The following CTNNA3 variants were observed in gnomAD, a reference collection of about 807,000 sequenced individuals.
The protein encoded by CTNNA3 is catenin alpha 3.
A neutral mutation model predicts 95.7 loss-of-function variants in CTNNA3; 76 were observed. That is an observed-to-expected ratio of 0.79 (90% confidence interval 0.66 to 0.96). The LOEUF is 0.96. Among genes scored for constraint, CTNNA3 ranks in the 40% least tolerant of loss-of-function variants. The pLI, the probability that CTNNA3 is intolerant of heterozygous loss-of-function variation, is 0.00. For missense variants in CTNNA3, 1,191 were observed against 1,089.8 expected (o/e 1.09, Z -1.31); for synonymous variants, 431 against 374.4 (o/e 1.15, Z -1.74).
chr10:67,055,150 C>G (rs567094335), intron 7 of CTNNA3: 3 of 152,150 alleles, frequency 2.0e-5, no homozygotes, highest in Non-Finnish European at 4.4e-5. Context: ...TTCCTACCTA[C>G]GCATCTTTGA....
At chr10:67,388,882 G>A (rs1844319639) in intron 5 of CTNNA3, among the ~76,000 whole-genome samples, 2 of 152,194 alleles carry the variant, frequency 1.3e-5, no homozygotes, top group South Asian at 4.2e-4. Context: ...TCACCACCAG[G>A]CCGGCCTTAC....
rs144340812 is a variant in CTNNA3 at position 67,220,490 on chromosome 10, G to T, written c.580-620C>A. Among the ~76,000 whole-genome samples, 482 of 152,108 alleles carry T rather than the reference G, an allele frequency of 3.2e-3. 3 individuals are homozygous for T. The highest frequency in any genetic ancestry group is 0.01 in the African/African-American group (424 of 41,478). On this transcript the variant is annotated intron_variant, in intron 5 of 17. Coordinates refer to ENST00000433211, the MANE Select transcript of CTNNA3 (RefSeq NM_013266.4). The stretch of plus-strand genomic sequence containing the variant: ...AAGGACCTTGTTCTTCTTTCTTTTG[G>T]GGGGAAAGGGCCTACAGACAAACAA...
rs2078479556 is a variant in CTNNA3 at position 65,988,783 on chromosome 10, A to T, written c.2174T>A (p.Leu725Gln). 1.2e-6 allele frequency: 2 copies of T among 1,613,154 alleles called. No homozygotes were observed. Among genetic ancestry groups the T allele is most frequent in the Non-Finnish European group, 1.7e-6 (2 of 1,179,478 alleles). The change falls in exon 16 of 18, where the codon CTA (leucine) becomes CAA (glutamine). Residue 725 changes from leucine to glutamine, a missense_variant. Transcript: ENST00000433211. ...ATAGATCACATCAGTTGTATGCTTT[A>T]GTGGTCCTTTGCCCCTGGAAAAAAA... ...MTDFTRGKGPLKHTTDVIYAA... is the reference protein window; with the variant it reads ...MTDFTRGKGPQKHTTDVIYAA...
chr10:66,509,357 TC>T (rs1840575683), intron 11 of CTNNA3, among the ~76,000 whole-genome samples: 1 of 152,116 alleles, frequency 6.6e-6, no homozygotes, highest in Non-Finnish European at 1.5e-5. Context: ...GTTGACTGTT[TC>T]ATTTGCTGTG....
intron 14 of CTNNA3, among the ~76,000 whole-genome samples, chr10:66,097,408 G>A (rs2081440421): frequency 6.6e-6 from 1 of 151,976 alleles, no homozygotes; most frequent in Admixed American, 6.6e-5. Context: ...CTATGTGCCA[G>A]AAACCAAACA....
chr10:65,974,293 T>G (rs1159596768), intron 16 of CTNNA3, among the ~76,000 whole-genome samples: 2 of 152,212 alleles, frequency 1.3e-5, no homozygotes, highest in African/African-American at 2.4e-5. Context: ...CTTGCATTCA[T>G]ATGTTCATTG....
intron 12 of CTNNA3, among the ~76,000 whole-genome samples, chr10:66,324,291 T>C (rs1490374676): frequency 6.6e-6 from 1 of 151,958 alleles, no homozygotes; most frequent in Non-Finnish European, 1.5e-5. Flanking sequence ...CTGTACTCCA[T>C]CCTGAGCAAC....
chr10:66,265,906 C>T (rs1308619378), intron 13 of CTNNA3, among the ~76,000 whole-genome samples: 3 of 152,002 alleles, frequency 2.0e-5, no homozygotes, highest in Non-Finnish European at 4.4e-5. Context: ...GAAATCTTAT[C>T]TGTCTTATCT....
At chr10:67,602,975 G>T (rs1010123544) in intron 3 of CTNNA3, among the ~76,000 whole-genome samples, 21 of 152,184 alleles carry the variant, frequency 1.4e-4, no homozygotes, top group Admixed American at 2.0e-4. Context: ...ACGTTTAACA[G>T]GTGTCTGTGA....
chr10:66,058,890 G>C (rs1156284577), intron 15 of CTNNA3, among the ~76,000 whole-genome samples: 1 of 152,070 alleles, frequency 6.6e-6, no homozygotes, highest in Non-Finnish European at 1.5e-5. Flanking sequence ...GCTTTCTCTT[G>C]GGTAACTAAT....
At chr10:66,163,821 A>G (rs2084978703) in intron 13 of CTNNA3, among the ~76,000 whole-genome samples, 1 of 152,148 alleles carries the variant, frequency 6.6e-6, no homozygotes, top group African/African-American at 2.4e-5. Flanking sequence ...CAATGTTTTC[A>G]TATGATCTAT....
intron 1 of CTNNA3, among the ~76,000 whole-genome samples, chr10:67,674,695 A>G (rs1470386131): frequency 6.6e-6 from 1 of 152,150 alleles, no homozygotes; most frequent in Admixed American, 6.6e-5. Context: ...TTACCAGTGT[A>G]AATGCTAATC....
chr10:67,359,401 A>G (rs1252353947), intron 5 of CTNNA3, among the ~76,000 whole-genome samples: 1 of 152,114 alleles, frequency 6.6e-6, no homozygotes, highest in Non-Finnish European at 1.5e-5. Flanking sequence ...AAAATGTGGA[A>G]ATGACAGACA....
chr10:67,230,320 C>A (rs1004905301), intron 5 of CTNNA3, among the ~76,000 whole-genome samples: 1 of 152,108 alleles, frequency 6.6e-6, no homozygotes, highest in African/African-American at 2.4e-5. Flanking sequence ...CAAAAATCAA[C>A]TCAAGATGGA....
Position 66,593,540 on chromosome 10 carries a change from T to C in CTNNA3, c.1374+28152A>G, listed in dbSNP as rs535404858. On this transcript the variant is annotated intron_variant, in intron 10 of 17. Coordinates refer to ENST00000433211, the MANE Select transcript of CTNNA3 (RefSeq NM_013266.4). ...CTAAGTTTCCAGGTGATTTTGATAC[T>C]CCTGGTCTGGGGACCACACTTTGAA... 7.9e-4 allele frequency among the ~76,000 whole-genome samples: 120 copies of C among 152,258 alleles called. 1 individual carries two copies. The highest frequency in any genetic ancestry group is 2.8e-3 in the African/African-American group (117 of 41,550).
chr10:67,423,814 A>G (rs1444323409), intron 5 of CTNNA3, among the ~76,000 whole-genome samples: 1 of 152,174 alleles, frequency 6.6e-6, no homozygotes, highest in Non-Finnish European at 1.5e-5. Context: ...AGTGTGCTCA[A>G]TCAATGTTTG....
intron 7 of CTNNA3, among the ~76,000 whole-genome samples, chr10:66,833,065 T>C (rs548360087): frequency 3.3e-5 from 5 of 152,330 alleles, no homozygotes; most frequent in African/African-American, 2.4e-5. Context: ...TTTATATCCA[T>C]GTTATATTTT....
At chr10:66,534,496 ATATATG>A (rs1841584051) in intron 10 of CTNNA3, among the ~76,000 whole-genome samples, 1 of 67,562 alleles carries the variant, frequency 1.5e-5, no homozygotes, top group African/African-American at 5.2e-5. Flanking sequence ...ATATATATAT[ATATATG>A]TATATATATG....
chr10:67,655,817 A>G (rs1474230523), intron 1 of CTNNA3, among the ~76,000 whole-genome samples: 1 of 151,956 alleles, frequency 6.6e-6, no homozygotes, highest in Non-Finnish European at 1.5e-5. Flanking sequence ...TCTTGAATGC[A>G]TAACTGAACT....
Sources: allele counts gnomAD v4.1 joint callset (sites outside exome capture counted in the v4.1 genomes callset), GRCh38; gene constraint gnomAD v4.1.1; transcripts MANE v1.5; gene names NCBI Gene and HGNC (gene_info 2026-07-23, HGNC 2026-07-21).